ACSS3: variants seen among roughly 807,000 people sequenced by gnomAD.
ACSS3 encodes the protein acyl-CoA synthetase short-chain family member 3, mitochondrial.
Under a neutral mutation model 84.2 loss-of-function variants are expected in ACSS3, and 64 were observed. The ratio of observed to expected loss-of-function variants is 0.76; its 90% confidence interval spans 0.62 to 0.94. The LOEUF is 0.94. ACSS3 is among the 40% of genes least tolerant of loss of function. The pLI is 0.00. For missense variants in ACSS3, 815 were observed against 867.6 expected (o/e 0.94, Z 0.76); for synonymous variants, 317 against 310.1 (o/e 1.02, Z -0.23).
chr12:81,250,587 G>A (rs934175260), intron 13 of ACSS3, among the ~76,000 whole-genome samples: 3 of 151,850 alleles, frequency 2.0e-5, no homozygotes, highest in African/African-American at 7.3e-5. Flanking sequence ...TGAAAGAGTG[G>A]CAGACTAGAT....
chr12:81,109,209 C>A (rs890072364), intron 1 of ACSS3, among the ~76,000 whole-genome samples: 4 of 152,162 alleles, frequency 2.6e-5, no homozygotes, highest in African/African-American at 9.7e-5. Flanking sequence ...ATCCCCAATG[C>A]CTCTGCACTG....
intron 11 of ACSS3, among the ~76,000 whole-genome samples, chr12:81,220,328 T>G (rs547900308): frequency 6.6e-6 from 1 of 152,170 alleles, no homozygotes; most frequent in South Asian, 2.1e-4. Context: ...TTTTACAGGT[T>G]ATGTATAGAT....
chr12:81,241,062 A>G (rs1032168130), intron 13 of ACSS3, among the ~76,000 whole-genome samples: 16 of 132,358 alleles, frequency 1.2e-4, no homozygotes, highest in Non-Finnish European at 1.5e-4. Flanking sequence ...TTCAATTCCC[A>G]CCTATGAGTG....
chr12:81,226,759 T>C (rs2135960685), intron 11 of ACSS3, among the ~76,000 whole-genome samples: 1 of 152,056 alleles, frequency 6.6e-6, no homozygotes, highest in Non-Finnish European at 1.5e-5. Flanking sequence ...CTTTGATTTT[T>C]CTCTTTTCTT....
chr12:81,107,582 A>G (rs1247020662), intron 1 of ACSS3, among the ~76,000 whole-genome samples: 5 of 134,320 alleles, frequency 3.7e-5, no homozygotes, highest in African/African-American at 1.4e-4. Context: ...GGGAAATTCT[A>G]TAAAACACCT....
rs2136025320 is a variant in ACSS3 at position 81,256,033 on chromosome 12, G to A, written c.*1111G>A. Reference sequence around the variant, plus strand: ...AGAAACATCAAGGTTTTCACATTAGGTTAAAGACAAGAAGGTTTCTAGGCA... The same window carrying A: ...AGAAACATCAAGGTTTTCACATTAGATTAAAGACAAGAAGGTTTCTAGGCA... On this transcript the variant is annotated 3_prime_UTR_variant, in exon 16 of 16. Transcript: ENST00000548058. 1 of 152,300 alleles carries A rather than the reference G, an allele frequency of 6.6e-6. No homozygotes were observed. The highest frequency in any genetic ancestry group is 1.5e-5 in the Non-Finnish European group (1 of 68,018). 9.4% of individuals were successfully genotyped at this position (152,300 alleles called of 1,614,324 possible).
chr12:81,174,774 G>T lies in ACSS3; in HGVS notation c.1099-14G>T, dbSNP rs369700597. ...CATTTTATCCAGTGACATTTTAAAT[G>T]AATCTCATTGTAGGGGAAGCCTGTG... On this transcript the variant is annotated splice_polypyrimidine_tract_variant and intron_variant, in intron 7 of 15. Coordinates refer to ENST00000548058, the MANE Select transcript of ACSS3 (RefSeq NM_024560.4). 1 of 1,606,942 alleles carries T rather than the reference G, an allele frequency of 6.2e-7. No individual in the cohort carries two copies. The highest frequency in any genetic ancestry group is 8.5e-7 in the Non-Finnish European group (1 of 1,175,278).
At chr12:81,190,532 A>G (rs938531194) in intron 8 of ACSS3, among the ~76,000 whole-genome samples, 4 of 151,982 alleles carry the variant, frequency 2.6e-5, no homozygotes, top group African/African-American at 9.7e-5. Flanking sequence ...TGATTGTATT[A>G]TGTACAGAGT....
intron 3 of ACSS3, among the ~76,000 whole-genome samples, chr12:81,136,447 C>T (rs1265335432): frequency 6.6e-6 from 1 of 152,090 alleles, no homozygotes; most frequent in Non-Finnish European, 1.5e-5. Context: ...GTTTGGCTCA[C>T]AACCATAGTT....
chr12:81,235,167 G>A lies in ACSS3; in HGVS notation c.1719+1696G>A, dbSNP rs1321107872. On this transcript the variant is annotated intron_variant, in intron 13 of 15. Transcript: ENST00000548058. ...GATGCCAGTTGTTCCAGCATCATTTGTTGAAAAAGCTGCCCTTTCTCTATT... is the reference window on the plus strand; with the variant it reads ...GATGCCAGTTGTTCCAGCATCATTTATTGAAAAAGCTGCCCTTTCTCTATT... Among the ~76,000 whole-genome samples, 8 of 151,380 alleles carry A rather than the reference G, an allele frequency of 5.3e-5. No homozygotes were observed. The East Asian group carries it at 7.8e-4, about 15-fold the overall frequency.
intron 2 of ACSS3, among the ~76,000 whole-genome samples, chr12:81,116,995 G>A (rs1884097822): frequency 6.6e-6 from 1 of 152,134 alleles, no homozygotes; most frequent in South Asian, 2.1e-4. Context: ...AACTTACTTT[G>A]CCATTTTAGA....
At chr12:81,231,284 GA>G in intron 12 of ACSS3, 146 bp downstream of exon 12, 1 of 602,634 alleles carries the variant, frequency 1.7e-6, no homozygotes. Context: ...CCAGGGATAA[GA>G]ATGCCCAACT....
In ACSS3 at chr12:81,199,483, A is replaced by G. The variant is rs750845583; in HGVS notation, c.1354+39A>G. The G allele has an allele frequency of 2.5e-6, 4 of 1,580,532 alleles. No homozygotes were observed. The South Asian group carries it at 4.5e-5, about 18-fold the overall frequency. ...TAGCATGTACATAAATAGTAAAGAAATGTTCCAAAAAGCTGCAAGGATTGG... is the reference window on the plus strand; with the variant it reads ...TAGCATGTACATAAATAGTAAAGAAGTGTTCCAAAAAGCTGCAAGGATTGG... On this transcript the variant is annotated intron_variant, in intron 9 of 15. Transcript: ENST00000548058.
intron 9 of ACSS3, among the ~76,000 whole-genome samples, chr12:81,216,548 G>GT (rs1381149776): frequency 6.6e-6 from 1 of 152,136 alleles, no homozygotes; most frequent in Non-Finnish European, 1.5e-5. Context: ...ATCTTTTCTA[G>GT]TGATCATTTT....
intron 1 of ACSS3, among the ~76,000 whole-genome samples, chr12:81,093,204 C>T (rs1428805971): frequency 1.3e-5 from 2 of 152,090 alleles, no homozygotes; most frequent in Admixed American, 6.5e-5. Flanking sequence ...AATCCTAGCA[C>T]TTTGTGAGGC....
intron 8 of ACSS3, among the ~76,000 whole-genome samples, chr12:81,179,317 A>AC (rs141522048): frequency 0.021 from 3,100 of 149,514 alleles, 45 homozygotes; most frequent in Admixed American, 0.022. Context: ...CACAAAAAAA[A>AC]CCCAGAAACT....
intron 1 of ACSS3, among the ~76,000 whole-genome samples, chr12:81,082,485 G>A (rs1372794608): frequency 6.6e-6 from 1 of 152,152 alleles, no homozygotes; most frequent in Non-Finnish European, 1.5e-5. Flanking sequence ...CATGTGAGAA[G>A]TGGGGAGGAA....
Position 81,197,329 on chromosome 12 carries a change from T to A in ACSS3, c.1251-2012T>A, listed in dbSNP as rs2031884891. Among the ~76,000 whole-genome samples, 5 of 152,312 alleles carry A rather than the reference T, an allele frequency of 3.3e-5. No homozygotes were observed. The South Asian group carries it at 1.0e-3, about 32-fold the overall frequency. On this transcript the variant is annotated intron_variant, in intron 8 of 15. Transcript: ENST00000548058. ...GAATAATTAAACTGTTATTTTTTTC[T>A]CACTACTGCGGTCAAATGCACCTTC...
intron 7 of ACSS3, among the ~76,000 whole-genome samples, chr12:81,152,409 A>G (rs558273561): frequency 1.3e-5 from 2 of 152,354 alleles, no homozygotes; most frequent in South Asian, 2.1e-4. Flanking sequence ...AATAGTTATC[A>G]TAAAACAAGC....
Sources: gnomAD v4.1 joint callset for allele counts (sites outside exome capture counted in the v4.1 genomes callset) on GRCh38, gnomAD v4.1.1 for gene constraint, MANE v1.5 for transcripts, NCBI Gene and HGNC (gene_info 2026-07-23, HGNC 2026-07-21) for gene names.